SCML2: variants seen among roughly 807,000 people sequenced by gnomAD.
The protein encoded by SCML2 is Scm polycomb group protein like 2.
In SCML2, 6 loss-of-function variants were observed where a neutral mutation model predicts 48.4. The ratio of observed to expected loss-of-function variants is 0.12; its 90% confidence interval spans 0.07 to 0.24. The LOEUF is 0.24. Among genes scored for constraint, SCML2 ranks in the 10% least tolerant of loss-of-function variants. The pLI is 1.00. For synonymous variants in SCML2, 181 were observed against 189.5 expected (o/e 0.95, Z 0.37); for missense variants, 377 against 528.2 (o/e 0.71, Z 2.81).
chrX:18,270,911 A>T (rs1330925646), intron 7 of SCML2, among the ~76,000 whole-genome samples: 1 of 112,228 alleles, frequency 8.9e-6, no homozygotes, highest in Non-Finnish European at 1.9e-5. Flanking sequence ...TATGCTACTC[A>T]TCTTTAATAA....
chrX:18,262,281 A>G (rs1849489935), intron 8 of SCML2, among the ~76,000 whole-genome samples: 1 of 107,854 alleles, frequency 9.3e-6, no homozygotes, highest in South Asian at 3.9e-4. Context: ...TTTAACTAGA[A>G]AGGATAATCC....
At chrX:18,333,735 T>G (rs1215673087) in intron 2 of SCML2, among the ~76,000 whole-genome samples, 5 of 112,064 alleles carry the variant, frequency 4.5e-5, no homozygotes, top group Admixed American at 2.8e-4. Context: ...ATTCATGGAA[T>G]AGTGAGCAGA....
chrX:18,293,243 A>T (rs906072941), intron 7 of SCML2, among the ~76,000 whole-genome samples: 12 of 112,063 alleles, frequency 1.1e-4, no homozygotes, highest in African/African-American at 3.9e-4. Context: ...CATCTAAATA[A>T]ATGGTGTATT....
chrX:18,343,900 C>A (rs1602152918), intron 1 of SCML2, among the ~76,000 whole-genome samples: 1 of 75,672 alleles, frequency 1.3e-5, no homozygotes, highest in African/African-American at 5.4e-5. Flanking sequence ...GCCTGAACAA[C>A]ACAGTGAAAC....
At chrX:18,290,023 A>C (rs1159829326) in intron 7 of SCML2, among the ~76,000 whole-genome samples, 1 of 111,881 alleles carries the variant, frequency 8.9e-6, no homozygotes, top group Non-Finnish European at 1.9e-5. Flanking sequence ...ATTTTTTTAA[A>C]ACATCAAACG....
intron 6 of SCML2, among the ~76,000 whole-genome samples, chrX:18,315,052 T>C (rs1211879071): frequency 1.0e-5 from 1 of 95,879 alleles, no homozygotes; most frequent in Non-Finnish European, 2.0e-5. Context: ...TGAAGTGAAA[T>C]TGTACCACTG....
chrX:18,256,912 G>A lies in SCML2; in HGVS notation c.1392C>T (p.Ser464=), dbSNP rs1438729775. ...GACCCCTGGAAGAACTAAAAGGCTG[G>A]CTACTCAAAAGGTTATCACACTGCA... is the stretch of plus-strand genomic sequence containing the variant. ...HSLQCDNLLS[S]QPFSSSRGHT... The change falls in exon 11 of 15, where the codon AGC becomes AGT. Residue 464 remains serine (S), a synonymous_variant. Transcript: ENST00000251900. 8.3e-7 allele frequency: 1 copy of A among 1,205,445 alleles called. No homozygotes were observed. Among genetic ancestry groups the A allele is most frequent in the Admixed American group, 2.2e-5 (1 of 45,168 alleles).
At chrX:18,268,770 TA>T (rs1240239787) in intron 7 of SCML2, among the ~76,000 whole-genome samples, 66 of 100,235 alleles carry the variant, frequency 6.6e-4, no homozygotes, top group South Asian at 1.8e-3. Context: ...AGTATAATAA[TA>T]AAAAAAAAAA....
At chrX:18,313,786 G>A (rs1362336560) in intron 6 of SCML2, among the ~76,000 whole-genome samples, 1 of 112,160 alleles carries the variant, frequency 8.9e-6, no homozygotes, top group Admixed American at 9.5e-5. Flanking sequence ...CAACCAGTAT[G>A]TATGAATTTT....
chrX:18,344,560 A>G (rs1930139780), intron 1 of SCML2, among the ~76,000 whole-genome samples: 1 of 111,632 alleles, frequency 9.0e-6, no homozygotes, highest in South Asian at 3.8e-4. Context: ...TAAATGAATC[A>G]TGAGGGTGGT....
chrX:18,312,218 CAG>C (rs753593016), intron 6 of SCML2, among the ~76,000 whole-genome samples: 57 of 111,786 alleles, frequency 5.1e-4, no homozygotes, highest in African/African-American at 1.8e-3. Flanking sequence ...CAGCTTGTAC[CAG>C]AGTGTTAACA....
chrX:18,287,146 T>A (rs958294362), intron 7 of SCML2, among the ~76,000 whole-genome samples: 14 of 111,932 alleles, frequency 1.3e-4, no homozygotes, highest in African/African-American at 3.9e-4. Flanking sequence ...AAAAATTACA[T>A]GTTTAACACA....
intron 7 of SCML2, among the ~76,000 whole-genome samples, chrX:18,291,892 A>G (rs1305343518): frequency 8.9e-6 from 1 of 111,806 alleles, no homozygotes; most frequent in Non-Finnish European, 1.9e-5. Context: ...TCAATAAATA[A>G]TATTTCTCTC....
intron 11 of SCML2, among the ~76,000 whole-genome samples, chrX:18,248,218 G>A (rs750699495): frequency 4.5e-4 from 50 of 111,661 alleles, no homozygotes; most frequent in Non-Finnish European, 8.8e-4. Context: ...TTGTTCCCAT[G>A]AGCCAGAGGA....
At chrX:18,304,852 G>T in intron 7 of SCML2, 120 bp downstream of exon 7, 2 of 811,675 alleles carry the variant, frequency 2.5e-6, no homozygotes, top group Non-Finnish European at 3.5e-6. Flanking sequence ...GCTTTGTTCT[G>T]TCTGCCACCA....
chrX:18,278,621 C>T (rs961725049), intron 7 of SCML2, among the ~76,000 whole-genome samples: 4 of 112,372 alleles, frequency 3.6e-5, no homozygotes, highest in African/African-American at 1.3e-4. Context: ...AGCATGCCTG[C>T]TCTGCAAGCC....
At chrX:18,307,450 T>C (rs1476525515) in intron 6 of SCML2, among the ~76,000 whole-genome samples, 1 of 111,759 alleles carries the variant, frequency 8.9e-6, no homozygotes, top group Admixed American at 9.5e-5. Flanking sequence ...GGAGGTAAGC[T>C]GCATTTAACA....
At chrX:18,305,273 T>C in intron 6 of SCML2, 58 bp from the exon 7 acceptor site, 8 of 1,088,962 alleles carry the variant, frequency 7.3e-6, no homozygotes, top group Non-Finnish European at 8.6e-6. Flanking sequence ...AAGACTCATG[T>C]GCTCGAAGTG....
At chrX:18,274,135 G>A in intron 7 of SCML2, among the ~76,000 whole-genome samples, 1 of 112,326 alleles carries the variant, frequency 8.9e-6, no homozygotes, top group South Asian at 3.7e-4. Context: ...TAAGCCATCT[G>A]TGGATGGCAG....
Sources: gnomAD v4.1 joint callset for allele counts (sites outside exome capture counted in the v4.1 genomes callset) on GRCh38, gnomAD v4.1.1 for gene constraint, MANE v1.5 for transcripts, NCBI Gene and HGNC (gene_info 2026-07-23, HGNC 2026-07-21) for gene names.